Variants in PLEKHA6 observed in about 807,000 individuals in gnomAD.
PLEKHA6 encodes pleckstrin homology domain-containing family A member 6.
A neutral mutation model predicts 116.7 loss-of-function variants in PLEKHA6; 60 were observed. The ratio of observed to expected loss-of-function variants is 0.51; its 90% confidence interval spans 0.42 to 0.64. The LOEUF (loss-of-function observed/expected upper bound fraction) is 0.64, where lower values mean the gene tolerates loss of function less well. PLEKHA6 is among the 30% of genes least tolerant of loss of function. PLEKHA6 has a pLI of 0.00. For missense variants in PLEKHA6, 1,338 were observed against 1,422.7 expected (o/e 0.94, Z 0.96); for synonymous variants, 489 against 556.1 (o/e 0.88, Z 1.70).
In PLEKHA6 at chr1:204,256,986, C is replaced by T. The variant is rs57339286; in HGVS notation, c.1524+367G>A. ...GGTTAGAGGTATTTGTGTTCAGTTC[C>T]CAGAGCAGATCCCAAACTGAAATGG... On this transcript the variant is annotated intron_variant, in intron 9 of 22. Coordinates refer to ENST00000272203, the MANE Select transcript of PLEKHA6 (RefSeq NM_014935.5). 6.8e-3 allele frequency: 3,975 copies of T among 585,686 alleles called. 120 individuals carry two copies. Among genetic ancestry groups the T allele is most frequent in the African/African-American group, 0.064 (3,415 of 53,562 alleles). 36.3% of individuals were successfully genotyped at this position (585,686 alleles called of 1,614,324 possible).
At chr1:204,273,580 T>C (rs1401683544) in intron 3 of PLEKHA6, 46 bp downstream of exon 3, 2 of 1,262,704 alleles carry the variant, frequency 1.6e-6, no homozygotes, top group Non-Finnish European at 2.3e-6. Context: ...AAACATGCAC[T>C]GAAGACGTTT....
intron 1 of PLEKHA6, among the ~76,000 whole-genome samples, chr1:204,310,987 C>A (rs536913163): frequency 6.6e-6 from 1 of 152,152 alleles, no homozygotes; most frequent in Non-Finnish European, 1.5e-5. Context: ...TTAGGGAAAC[C>A]CCTTATCCTG....
At position 204,220,888 on chromosome 1, in the gene PLEKHA6, T is replaced by A. The variant is rs1659566173; in HGVS notation, c.*1900A>T. The A allele has an allele frequency of 6.6e-6, 1 of 151,030 alleles. No homozygotes were observed. Among genetic ancestry groups the A allele is most frequent in the Non-Finnish European group, 1.5e-5 (1 of 67,702 alleles). 9.4% of individuals were successfully genotyped at this position (151,030 alleles called of 1,614,324 possible). A position where few individuals can be genotyped will look rare whatever the true frequency, so the allele number is the denominator to read the frequency against. ...ATTTTACATGTATTTCTAAAAAATA[T>A]TACTTTAAAAAAAAAAAAAGAGACG... On this transcript the variant is annotated 3_prime_UTR_variant, in exon 23 of 23. Coordinates refer to ENST00000272203, the MANE Select transcript of PLEKHA6 (RefSeq NM_014935.5).
chr1:204,220,803 C>T lies in PLEKHA6; in HGVS notation c.*1985G>A, dbSNP rs1172015713. ...AGGCATGTAAAGCAACATAAAGAGC[C>T]AGCTTTATGAAATAAGAGATGAGAG... On this transcript the variant is annotated 3_prime_UTR_variant, in exon 23 of 23. Coordinates refer to ENST00000272203, the MANE Select transcript of PLEKHA6 (RefSeq NM_014935.5). The T allele has an allele frequency of 3.3e-5, 5 of 152,244 alleles. No individual in the cohort carries two copies. Among genetic ancestry groups the T allele is most frequent in the African/African-American group, 1.2e-4 (5 of 41,290 alleles). 9.4% of individuals were successfully genotyped at this position (152,244 alleles called of 1,614,324 possible).
intron 9 of PLEKHA6, among the ~76,000 whole-genome samples, chr1:204,256,027 C>G (rs1665236964): frequency 6.6e-6 from 1 of 152,206 alleles, no homozygotes; most frequent in South Asian, 2.1e-4. Context: ...TCGGTTGTTT[C>G]TGGGTGCGTG....
intron 1 of PLEKHA6, among the ~76,000 whole-genome samples, chr1:204,352,649 G>A (rs760830319): frequency 2.0e-5 from 3 of 152,144 alleles, no homozygotes; most frequent in Non-Finnish European, 4.4e-5. Flanking sequence ...CAGCATGGTC[G>A]TTTGCTCACT....
chr1:204,290,074 T>C (rs1476597018), intron 1 of PLEKHA6, among the ~76,000 whole-genome samples: 4 of 152,220 alleles, frequency 2.6e-5, no homozygotes, highest in Admixed American at 2.0e-4. Flanking sequence ...ACTGTTTTCA[T>C]GGATCAGGAG....
At chr1:204,226,247 T>G (rs1327669921) in intron 21 of PLEKHA6, among the ~76,000 whole-genome samples, 2 of 152,178 alleles carry the variant, frequency 1.3e-5, no homozygotes. Context: ...CCACAGCCCT[T>G]TTTTAAATAG....
intron 1 of PLEKHA6, among the ~76,000 whole-genome samples, chr1:204,317,667 G>T (rs779079072): frequency 1.3e-5 from 2 of 152,176 alleles, no homozygotes; most frequent in Non-Finnish European, 2.9e-5. Context: ...TGGAATCATC[G>T]GTGGGTTGGG....
At chr1:204,349,074 C>T (rs1241428242) in intron 1 of PLEKHA6, among the ~76,000 whole-genome samples, 2 of 152,196 alleles carry the variant, frequency 1.3e-5, no homozygotes, top group East Asian at 3.9e-4. Flanking sequence ...TCAAGCTTGG[C>T]CTTCTCTTTT....
rs368573085 is a variant in PLEKHA6 at position 204,228,273 on chromosome 1, G to A, written c.2886-45C>T. On this transcript the variant is annotated intron_variant, in intron 20 of 22. Transcript: ENST00000272203. The surrounding 1 kb of genome is among the most constrained non-coding windows in gnomAD (Gnocchi z 4.0). ...CAGAAATGGAGGGAGGGACAGGATG[G>A]TCCAAGTGGCTTGAGGGGGCCTGCG... The A allele has an allele frequency of 4.9e-5, 75 of 1,544,168 alleles. No homozygotes were observed. Among genetic ancestry groups the A allele is most frequent in the Non-Finnish European group, 6.0e-5 (69 of 1,141,088 alleles).
rs769578653 is a variant in PLEKHA6, at chr1:204,324,929, TA to T, written c.-95+34764del. Among the ~76,000 whole-genome samples, 896 of 152,158 alleles carry T rather than the reference TA, an allele frequency of 5.9e-3. 8 individuals are homozygous for T. Among genetic ancestry groups the T allele is most frequent in the African/African-American group, 0.02 (835 of 41,490 alleles). On this transcript the variant is annotated intron_variant, in intron 1 of 22. Coordinates refer to ENST00000272203, the MANE Select transcript of PLEKHA6 (RefSeq NM_014935.5). ...ACAGAATTTTATTTATTTATTTATTTATTTTTGAGATGGGGTCTCACTTTGT... is the reference window on the plus strand; with the variant it reads ...ACAGAATTTTATTTATTTATTTATTTTTTTTGAGATGGGGTCTCACTTTGT...
intron 1 of PLEKHA6, among the ~76,000 whole-genome samples, chr1:204,332,370 C>G (rs996886300): frequency 3.3e-5 from 5 of 152,092 alleles, no homozygotes; most frequent in African/African-American, 1.2e-4. Flanking sequence ...GGCATCAGTC[C>G]TCACTGTTTG....
intron 9 of PLEKHA6, among the ~76,000 whole-genome samples, chr1:204,250,957 C>T (rs1222477939): frequency 6.6e-6 from 1 of 152,200 alleles, no homozygotes; most frequent in Non-Finnish European, 1.5e-5. Context: ...ACCATGAGAA[C>T]ATCAGTGAAC....
intron 17 of PLEKHA6, among the ~76,000 whole-genome samples, chr1:204,235,982 G>A (rs1193368483): frequency 6.6e-6 from 1 of 152,164 alleles, no homozygotes; most frequent in Middle Eastern, 3.2e-3. Flanking sequence ...ACCTATAACT[G>A]GACTAAAGTC....
At chr1:204,249,017 T>C in intron 11 of PLEKHA6, 47 bp from the exon 12 acceptor site, 1 of 1,602,512 alleles carries the variant, frequency 6.2e-7, no homozygotes, top group Non-Finnish European at 8.5e-7. Context: ...ACAGCTCCTC[T>C]CTGGGATTGA....
At chr1:204,336,887 G>A (rs1030634325) in intron 1 of PLEKHA6, among the ~76,000 whole-genome samples, 2 of 152,232 alleles carry the variant, frequency 1.3e-5, no homozygotes, top group African/African-American at 4.8e-5. Flanking sequence ...CAGGTCTAAA[G>A]AGGCCTCCTC....
chr1:204,361,452 A>G (rs1673557861), upstream of PLEKHA6, among the ~76,000 whole-genome samples: 1 of 152,328 alleles, frequency 6.6e-6, no homozygotes, highest in East Asian at 1.9e-4. Flanking sequence ...GGAGGAAGAC[A>G]GGGACCTAGA....
At position 204,228,652 on chromosome 1, in the gene PLEKHA6, CA is replaced by C. The variant is rs1571743681; in HGVS notation, c.2885+75del. On this transcript the variant is annotated intron_variant, in intron 20 of 22. Coordinates refer to ENST00000272203, the MANE Select transcript of PLEKHA6 (RefSeq NM_014935.5). The surrounding 1 kb of genome is among the most constrained non-coding windows in gnomAD (Gnocchi z 4.0). Reference sequence around the variant, plus strand: ...CTCCCCTGGGGAGGCTCTGTGCCCCCAACGACTTCTAGTGGCCCAGGTGTCC... The same window carrying C: ...CTCCCCTGGGGAGGCTCTGTGCCCCCACGACTTCTAGTGGCCCAGGTGTCC... 5 of 1,430,376 alleles carry C rather than the reference CA, an allele frequency of 3.5e-6. No homozygotes were observed. In the East Asian group the frequency reaches 1.1e-4, roughly 32 times the overall value. 88.6% of individuals were successfully genotyped at this position (1,430,376 alleles called of 1,614,324 possible). A position where few individuals can be genotyped will look rare whatever the true frequency, so the allele number is the denominator to read the frequency against.
Sources: allele counts gnomAD v4.1 joint callset (sites outside exome capture counted in the v4.1 genomes callset), GRCh38; gene constraint gnomAD v4.1.1; non-coding constraint Gnocchi (gnomAD v3.1); transcripts MANE v1.5; gene names NCBI Gene and HGNC (gene_info 2026-07-23, HGNC 2026-07-21).